The following ZFAND3 variants were observed in gnomAD, a reference collection of about 807,000 sequenced individuals.
The protein encoded by ZFAND3 is zinc finger AN1-type containing 3, also known as AN1-type zinc finger protein 3.
A neutral mutation model predicts 29.6 loss-of-function variants in ZFAND3; 10 were observed. That is an observed-to-expected ratio of 0.34 (90% CI 0.21 to 0.57). The LOEUF (loss-of-function observed/expected upper bound fraction) is 0.57, where lower values mean the gene tolerates loss of function less well. Among genes scored for constraint, ZFAND3 ranks in the 20% least tolerant of loss-of-function variants. ZFAND3 has a pLI of 0.86. For missense variants in ZFAND3, 230 were observed against 304.5 expected, an observed-to-expected ratio of 0.76 and a Z score of 1.82; for synonymous variants, 128 against 112.6, an observed-to-expected ratio of 1.14 and a Z score of -0.87.
rs12191836 is a variant in ZFAND3 at position 38,137,506 on chromosome 6, C to T, written c.530-14729C>T. 6.5e-4 allele frequency among the ~76,000 whole-genome samples: 99 copies of T among 152,276 alleles called. 1 individual carries two copies. The highest frequency in any genetic ancestry group is 7.6e-4 in the Non-Finnish European group (52 of 68,016). The stretch of plus-strand genomic sequence containing the variant: ...CTATTTATTTATTCATTCTGTTCAT[C>T]TTTATTGAGTTGTAGAGGAAGAGCA... On this transcript the variant is annotated intron_variant, in intron 5 of 5. Coordinates refer to ENST00000287218, the MANE Select transcript of ZFAND3 (RefSeq NM_021943.3).
chr6:38,072,331 G>C (rs570824349), intron 3 of ZFAND3, among the ~76,000 whole-genome samples: 1 of 152,294 alleles, frequency 6.6e-6, no homozygotes, highest in African/African-American at 2.4e-5. Context: ...GAAGTCTGCA[G>C]ATCTGAAAGG....
intron 2 of ZFAND3, among the ~76,000 whole-genome samples, chr6:38,030,261 A>G (rs970754781): frequency 8.6e-5 from 13 of 151,498 alleles, no homozygotes; most frequent in African/African-American, 3.2e-4. Context: ...TCCTGACCTC[A>G]AGTAATCCTC....
chr6:37,895,021 A>G (rs1765173053), intron 1 of ZFAND3, among the ~76,000 whole-genome samples: 1 of 151,974 alleles, frequency 6.6e-6, no homozygotes, highest in African/African-American at 2.4e-5. Flanking sequence ...TTTTGTAGAG[A>G]TTTTTGGATC....
At chr6:38,106,699 G>GTGTA (rs1554181442) in intron 4 of ZFAND3, among the ~76,000 whole-genome samples, 16 of 151,878 alleles carry the variant, frequency 1.1e-4, no homozygotes, top group African/African-American at 3.9e-4. Flanking sequence ...GTGTGTGTGT[G>GTGTA]TATATGTGTA....
chr6:37,873,627 G>A (rs1042040064), intron 1 of ZFAND3, among the ~76,000 whole-genome samples: 1 of 152,228 alleles, frequency 6.6e-6, no homozygotes, highest in Non-Finnish European at 1.5e-5. Flanking sequence ...AAGCAGAATA[G>A]TGAAGGTCAG....
intron 2 of ZFAND3, among the ~76,000 whole-genome samples, chr6:38,035,429 A>T (rs888135853): frequency 1.3e-5 from 2 of 152,206 alleles, no homozygotes; most frequent in Non-Finnish European, 2.9e-5. Context: ...TAATACATAT[A>T]TAATAATTGT....
chr6:37,976,584 C>CAAAA (rs35783371), intron 2 of ZFAND3, among the ~76,000 whole-genome samples: 18 of 76,882 alleles, frequency 2.3e-4, no homozygotes, highest in East Asian at 1.8e-3. Context: ...ACACTGTCTC[C>CAAAA]AAAAAAAAAA....
intron 2 of ZFAND3, among the ~76,000 whole-genome samples, chr6:37,940,208 C>G (rs955322169): frequency 6.6e-6 from 1 of 152,174 alleles, no homozygotes; most frequent in Non-Finnish European, 1.5e-5. Flanking sequence ...CTCAGAAAAG[C>G]ACGGGACTGT....
At position 37,930,217 on chromosome 6, in the gene ZFAND3, A is replaced by G. The variant is rs140826371; in HGVS notation, c.112+218A>G. Among the ~76,000 whole-genome samples, 249 of 152,174 alleles carry G rather than the reference A, an allele frequency of 1.6e-3. 1 individual carries two copies. The highest frequency in any genetic ancestry group is 5.6e-3 in the African/African-American group (233 of 41,534). ...TTCCTTGAATGAAATCCTATCTCCTATGTACTTGCACCAAACAAACTTTCC... is the reference window on the plus strand; with the variant it reads ...TTCCTTGAATGAAATCCTATCTCCTGTGTACTTGCACCAAACAAACTTTCC... On this transcript the variant is annotated intron_variant, in intron 2 of 5. Transcript: ENST00000287218.
chr6:37,939,656 CTTGGAGACT>C (rs1761777738), intron 2 of ZFAND3, among the ~76,000 whole-genome samples: 1 of 152,096 alleles, frequency 6.6e-6, no homozygotes, highest in Admixed American at 6.5e-5. Context: ...TTTATCAAAG[CTTGGAGACT>C]TCTAGTTTAG....
At chr6:37,856,500 A>G (rs548536838) in intron 1 of ZFAND3, among the ~76,000 whole-genome samples, 48 of 152,298 alleles carry the variant, frequency 3.2e-4, no homozygotes, top group African/African-American at 1.1e-3. Flanking sequence ...CACCTGCACA[A>G]TGAAGCAGAT....
Position 38,100,354 on chromosome 6 carries a change from G to A in ZFAND3, c.362-16218G>A, listed in dbSNP as rs114150242. Among the ~76,000 whole-genome samples the A allele has an allele frequency of 9.5e-3, 1,448 of 152,266 alleles. 19 individuals carry two copies. Among genetic ancestry groups the A allele is most frequent in the African/African-American group, 0.034 (1,393 of 41,554 alleles). On this transcript the variant is annotated intron_variant, in intron 4 of 5. Transcript: ENST00000287218. ...TGGGATTACAGGCGTGAGCCACCAC[G>A]CCCAGCTGATAAACCTATTTCTAGA...
intron 5 of ZFAND3, among the ~76,000 whole-genome samples, chr6:38,136,742 A>G (rs1765849064): frequency 6.6e-6 from 1 of 152,164 alleles, no homozygotes; most frequent in Non-Finnish European, 1.5e-5. Context: ...ACAGCAGGCC[A>G]CTGTTCTCCA....
intron 2 of ZFAND3, among the ~76,000 whole-genome samples, chr6:38,026,751 T>A (rs772374930): frequency 6.6e-6 from 1 of 151,538 alleles, no homozygotes; most frequent in African/African-American, 2.4e-5. Context: ...TAGGATCTTA[T>A]GTGGTAGATA....
At chr6:37,893,248 A>T (rs1402880940) in intron 1 of ZFAND3, among the ~76,000 whole-genome samples, 1 of 152,260 alleles carries the variant, frequency 6.6e-6, no homozygotes, top group East Asian at 1.9e-4. Flanking sequence ...TCCCATGACT[A>T]AGTGAGATAA....
intron 2 of ZFAND3, among the ~76,000 whole-genome samples, chr6:37,979,076 A>C (rs992978676): frequency 6.9e-6 from 1 of 144,810 alleles, no homozygotes; most frequent in African/African-American, 2.6e-5. Flanking sequence ...TTTAATCTTT[A>C]TTTCCTTCCT....
chr6:38,090,584 C>T (rs1242262796), intron 4 of ZFAND3, among the ~76,000 whole-genome samples: 1 of 152,124 alleles, frequency 6.6e-6, no homozygotes, highest in Non-Finnish European at 1.5e-5. Flanking sequence ...AAGCAGTTCT[C>T]ACCAAAGTTT....
Position 37,950,889 on chromosome 6 carries a change from C to T in ZFAND3, c.112+20890C>T, listed in dbSNP as rs556930404. Among the ~76,000 whole-genome samples the T allele has an allele frequency of 2.0e-5, 3 of 152,050 alleles. No individual in the cohort carries two copies. The South Asian group carries it at 6.2e-4, about 32-fold the overall frequency. On this transcript the variant is annotated intron_variant, in intron 2 of 5. Transcript: ENST00000287218. ...TCCATATGAATTTTAGTATTGTTTT[C>T]TTCTAATTCTATGAAAAATGTCTTT...
chr6:38,049,249 T>A (rs1763972260), intron 2 of ZFAND3, among the ~76,000 whole-genome samples: 1 of 152,210 alleles, frequency 6.6e-6, no homozygotes, highest in Non-Finnish European at 1.5e-5. Flanking sequence ...ATTGCATTAG[T>A]CTCAAGCTAG....
Sources: allele counts gnomAD v4.1 joint callset (sites outside exome capture counted in the v4.1 genomes callset), GRCh38; gene constraint gnomAD v4.1.1; transcripts MANE v1.5; gene names NCBI Gene and HGNC (gene_info 2026-07-23, HGNC 2026-07-21).